GALNTL6: variants seen among roughly 807,000 people sequenced by gnomAD.
GALNTL6 encodes polypeptide N-acetylgalactosaminyltransferase like 6.
A neutral mutation model predicts 73.7 loss-of-function variants in GALNTL6; 46 were observed. The observed-to-expected ratio is 0.62, with a 90% CI of 0.49 to 0.80. The LOEUF (loss-of-function observed/expected upper bound fraction) is 0.80, where lower values mean the gene tolerates loss of function less well. GALNTL6 is among the 30% of genes least tolerant of loss of function. GALNTL6 has a pLI of 0.00. For synonymous variants in GALNTL6, 259 were observed against 263.7 expected (o/e 0.98, Z 0.17); for missense variants, 604 against 755.0 (o/e 0.80, Z 2.34).
Position 172,952,019 on chromosome 4 carries a change from TG to T in GALNTL6, c.1150-17del, listed in dbSNP as rs11322401. 0.99 allele frequency: 1,477,822 copies of T among 1,487,852 alleles called. 733,898 individuals carry two copies. The highest frequency in any genetic ancestry group is 1 in the Middle Eastern group (5,583 of 5,606). 92.2% of individuals were successfully genotyped at this position (1,487,852 alleles called of 1,614,324 possible). A position where few individuals can be genotyped will look rare whatever the true frequency, so the allele number is the denominator to read the frequency against. On this transcript the variant is annotated splice_polypyrimidine_tract_variant and intron_variant, in intron 9 of 12. Coordinates refer to ENST00000506823, the MANE Select transcript of GALNTL6 (RefSeq NM_001034845.3). ...TGAATAAACCAATAAATGACATTTT[TG>T]TTTTCCTGCTGCACAGAACCTGAAG...
chr4:172,295,550 T>A (rs1165383685), intron 3 of GALNTL6, among the ~76,000 whole-genome samples: 6 of 146,664 alleles, frequency 4.1e-5, no homozygotes, highest in Admixed American at 2.0e-4. Flanking sequence ...TTTTTTTTTT[T>A]TTTTTTGGTA....
chr4:172,716,320 C>T (rs1013786872), intron 5 of GALNTL6, among the ~76,000 whole-genome samples: 2 of 152,094 alleles, frequency 1.3e-5, no homozygotes, highest in Non-Finnish European at 2.9e-5. Flanking sequence ...GAGCAGCAGC[C>T]GGATCCCCAA....
At chr4:172,495,588 A>G (rs960953100) in intron 5 of GALNTL6, among the ~76,000 whole-genome samples, 8 of 152,126 alleles carry the variant, frequency 5.3e-5, no homozygotes, top group Admixed American at 2.0e-4. Flanking sequence ...CCAGCACTCT[A>G]TATACTATAC....
At chr4:172,701,579 G>T (rs902315506) in intron 5 of GALNTL6, among the ~76,000 whole-genome samples, 2 of 152,028 alleles carry the variant, frequency 1.3e-5, no homozygotes, top group African/African-American at 2.4e-5. Flanking sequence ...GGCTTTAGTC[G>T]CAGTGTTACA....
chr4:172,558,660 C>G (rs1736232090), intron 5 of GALNTL6, among the ~76,000 whole-genome samples: 1 of 152,062 alleles, frequency 6.6e-6, no homozygotes, highest in Admixed American at 6.6e-5. Flanking sequence ...CGAGTCTGTG[C>G]TATTTTTGTA....
chr4:172,173,465 G>A (rs1430402824), intron 2 of GALNTL6, among the ~76,000 whole-genome samples: 5 of 152,174 alleles, frequency 3.3e-5, no homozygotes, highest in Non-Finnish European at 7.3e-5. Context: ...CAGTGCACAG[G>A]GTGCATTTCT....
chr4:171,963,015 C>T (rs1033882958), intron 2 of GALNTL6, among the ~76,000 whole-genome samples: 6 of 151,574 alleles, frequency 4.0e-5, no homozygotes, highest in Admixed American at 3.3e-4. Flanking sequence ...ATCCGCCCAC[C>T]TTGGCCTCCC....
chr4:172,790,544 A>G (rs1485292705), intron 5 of GALNTL6, among the ~76,000 whole-genome samples: 1 of 152,194 alleles, frequency 6.6e-6, no homozygotes, highest in Non-Finnish European at 1.5e-5. Flanking sequence ...TTACAGAACT[A>G]TGAGAAATAA....
intron 3 of GALNTL6, among the ~76,000 whole-genome samples, chr4:172,276,173 G>A (rs1217326161): frequency 6.6e-6 from 1 of 152,120 alleles, no homozygotes; most frequent in Non-Finnish European, 1.5e-5. Flanking sequence ...AGTCAAGGCT[G>A]GTGGGTCTTC....
intron 2 of GALNTL6, among the ~76,000 whole-genome samples, chr4:172,035,898 A>C (rs902533283): frequency 5.3e-5 from 8 of 152,152 alleles, no homozygotes; most frequent in Admixed American, 4.6e-4. Context: ...TCATTCGCAT[A>C]TGCATTCTAC....
At chr4:173,015,999 G>T (rs979652742) in intron 11 of GALNTL6, among the ~76,000 whole-genome samples, 2 of 152,216 alleles carry the variant, frequency 1.3e-5, no homozygotes, top group African/African-American at 4.8e-5. Flanking sequence ...ATGGCTAAAA[G>T]GTGCCAAGGT....
chr4:171,894,765 C>T (rs917007654), intron 2 of GALNTL6, among the ~76,000 whole-genome samples: 3 of 152,026 alleles, frequency 2.0e-5, no homozygotes, highest in African/African-American at 7.2e-5. Context: ...TTTGAAGGGG[C>T]CTATTGTCAC....
intron 2 of GALNTL6, among the ~76,000 whole-genome samples, chr4:172,155,549 T>C (rs1209101270): frequency 6.6e-6 from 1 of 152,224 alleles, no homozygotes; most frequent in Non-Finnish European, 1.5e-5. Context: ...TAATCATCTA[T>C]ATCTACAGCA....
intron 10 of GALNTL6, among the ~76,000 whole-genome samples, chr4:172,984,520 C>T (rs1751211057): frequency 6.6e-6 from 1 of 152,154 alleles, no homozygotes; most frequent in Admixed American, 6.5e-5. Flanking sequence ...AGAGCCAAAC[C>T]ATAGCAGTGT....
At chr4:172,650,037 G>A (rs997552144) in intron 5 of GALNTL6, among the ~76,000 whole-genome samples, 1 of 152,126 alleles carries the variant, frequency 6.6e-6, no homozygotes, top group Non-Finnish European at 1.5e-5. Flanking sequence ...AAAGCTTATG[G>A]TAGAAATATC....
chr4:172,500,317 A>C (rs1275190362), intron 5 of GALNTL6, among the ~76,000 whole-genome samples: 1 of 152,150 alleles, frequency 6.6e-6, no homozygotes, highest in Non-Finnish European at 1.5e-5. Context: ...GCTACTCCAA[A>C]GGCTGAGACA....
intron 2 of GALNTL6, among the ~76,000 whole-genome samples, chr4:171,872,794 C>A (rs1032893702): frequency 1.3e-4 from 20 of 152,144 alleles, no homozygotes; most frequent in African/African-American, 4.8e-4. Flanking sequence ...AACTTGAATA[C>A]CTTTGTAAAG....
chr4:171,961,973 T>C (rs1182509806), intron 2 of GALNTL6, among the ~76,000 whole-genome samples: 1 of 152,242 alleles, frequency 6.6e-6, no homozygotes, highest in African/African-American at 2.4e-5. Context: ...ATAAGCTTAC[T>C]CAATGTACTC....
At chr4:172,826,686 T>C (rs558910086) in intron 7 of GALNTL6, among the ~76,000 whole-genome samples, 10 of 152,282 alleles carry the variant, frequency 6.6e-5, no homozygotes, top group Admixed American at 3.3e-4. Flanking sequence ...ACCCATCCCG[T>C]AGGGAGAGGA....
Sources: gnomAD v4.1 joint callset for allele counts (sites outside exome capture counted in the v4.1 genomes callset) on GRCh38, gnomAD v4.1.1 for gene constraint, MANE v1.5 for transcripts, NCBI Gene and HGNC (gene_info 2026-07-23, HGNC 2026-07-21) for gene names.